MYL4: variants seen among roughly 807,000 people sequenced by gnomAD.
MYL4 encodes the protein myosin light chain 4.
In MYL4, 16 loss-of-function variants were observed where a neutral mutation model predicts 21.6. The ratio of observed to expected loss-of-function variants is 0.74; its 90% confidence interval spans 0.50 to 1.12. The LOEUF is 1.12. Ranked by LOEUF, MYL4 falls within the 50% of genes most tolerant of loss-of-function variation. The pLI is 0.00. For synonymous variants in MYL4, 82 were observed against 95.7 expected (o/e 0.86, Z 0.83); for missense variants, 249 against 252.9 (o/e 0.98, Z 0.11).
In MYL4 at chr17:47,221,746, C is replaced by T; in HGVS notation, c.378C>T (p.Asn126=). The T allele has an allele frequency of 6.2e-7, 1 of 1,614,162 alleles. No individual in the cohort carries two copies. The highest frequency in any genetic ancestry group is 8.5e-7 in the Non-Finnish European group (1 of 1,180,010). The change falls in exon 4 of 7, where the codon AAC becomes AAT. Residue 126 remains asparagine, a synonymous_variant. Coordinates refer to ENST00000393450, the MANE Select transcript of MYL4 (RefSeq NM_002476.2). ...CCATCCTGCAGCACATTTCCCGCAACAAGGAGCAGGGCACCTATGAGGACT... is the reference window on the plus strand; with the variant it reads ...CCATCCTGCAGCACATTTCCCGCAATAAGGAGCAGGGCACCTATGAGGACT... ...FLPILQHISR[N]KEQGTYEDFV...
chr17:47,203,891 T>C (rs17668126), intron 1 of MYL4, among the ~76,000 whole-genome samples: 1 of 152,102 alleles, frequency 6.6e-6, no homozygotes, highest in African/African-American at 2.4e-5. Flanking sequence ...TAACTCTCCA[T>C]GTCAGGGCTT....
At chr17:47,198,654 G>T (rs73319530), upstream of MYL4, among the ~76,000 whole-genome samples, 2,468 of 152,220 alleles carry the variant, frequency 0.016, 56 homozygotes, top group African/African-American at 0.056. Context: ...GACTGAGTTG[G>T]GAGAGCCTCA....
the MYL4 span, chr17:47,189,441 T>G: frequency 1.8e-6 from 1 of 554,314 alleles, no homozygotes; most frequent in Non-Finnish European, 3.3e-6. Flanking sequence ...TTGTCGAAGA[T>G]TACCGGAAGC....
upstream of MYL4, among the ~76,000 whole-genome samples, chr17:47,206,870 G>A (rs572019215): frequency 3.9e-4 from 60 of 152,260 alleles, 1 homozygote; most frequent in South Asian, 0.011. Context: ...CACAAACTCC[G>A]CAGGATGCAG....
chr17:47,224,983 A>G (rs1484315395), downstream of MYL4, among the ~76,000 whole-genome samples: 1 of 152,192 alleles, frequency 6.6e-6, no homozygotes, highest in Non-Finnish European at 1.5e-5. Context: ...ACACACATGT[A>G]TATGAGTAGA....
At chr17:47,222,569 G>C (rs1484593924) in intron 5 of MYL4, 112 bp downstream of exon 5, 2 of 878,822 alleles carry the variant, frequency 2.3e-6, no homozygotes, top group Non-Finnish European at 3.6e-6. Context: ...GGTTTTTGTA[G>C]ACCCCCCATT....
At chr17:47,192,753 G>A in the MYL4 span, among the ~76,000 whole-genome samples, 1 of 152,012 alleles carries the variant, frequency 6.6e-6, no homozygotes, top group African/African-American at 2.4e-5. Context: ...GAAGTACTTT[G>A]ATGGGGTATT....
rs1437942671 is a variant in MYL4 at position 47,221,854 on chromosome 17, G to T, written c.486G>T (p.Leu162=). The change falls in exon 4 of 7, where the codon CTG becomes CTT. Residue 162 remains leucine (L), a splice_region_variant and synonymous_variant. Transcript: ENST00000393450. The part of the protein sequence containing the change: ...GAELRHVLAT[L]GEKMTEAEVE... ...AGCTTCGGCACGTCCTTGCCACCCT[G>T]GGTATGCCAGCTGGGCAGAGATGAA... is the stretch of plus-strand genomic sequence containing the variant. 1 of 1,612,278 alleles carries T rather than the reference G, an allele frequency of 6.2e-7. No individual in the cohort carries two copies. Among genetic ancestry groups the T allele is most frequent in the Non-Finnish European group, 8.5e-7 (1 of 1,178,824 alleles).
At chr17:47,215,971 G>A (rs542156365) in intron 2 of MYL4, among the ~76,000 whole-genome samples, 12 of 152,076 alleles carry the variant, frequency 7.9e-5, no homozygotes, top group African/African-American at 2.9e-4. Flanking sequence ...AGAGATGGGG[G>A]TCTCGCTATT....
intron 1 of MYL4, among the ~76,000 whole-genome samples, chr17:47,203,001 G>C (rs1470701619): frequency 6.6e-6 from 1 of 152,080 alleles, no homozygotes; most frequent in Non-Finnish European, 1.5e-5. Context: ...GCCCAGGCTG[G>C]AGTGCAGTGG....
rs2071439 is a variant in MYL4 at position 47,223,010 on chromosome 17, C to T, written c.566-4C>T. ...ATGGTGGCTGATTTTCACTTTTTTC[C>T]TAGCCTTTGTCAAGCACATCATGTC... On this transcript the variant is annotated splice_polypyrimidine_tract_variant and splice_region_variant and intron_variant, in intron 5 of 6. Transcript: ENST00000393450. 1.3e-3 allele frequency: 2,036 copies of T among 1,614,100 alleles called. 87 individuals carry two copies. In the East Asian group the frequency reaches 0.045, roughly 36 times the overall value.
downstream of MYL4, among the ~76,000 whole-genome samples, chr17:47,226,795 C>A (rs2064887363): frequency 6.6e-6 from 1 of 152,214 alleles, no homozygotes. Flanking sequence ...GTCTAAGATG[C>A]TGCTCCGGCT....
At chr17:47,225,440 T>C (rs1344655865), downstream of MYL4, among the ~76,000 whole-genome samples, 1 of 152,194 alleles carries the variant, frequency 6.6e-6, no homozygotes, top group East Asian at 1.9e-4. Flanking sequence ...AGTCAGTGCA[T>C]GAAACTGAAG....
intron 2 of MYL4, among the ~76,000 whole-genome samples, chr17:47,215,604 G>A (rs6504778): frequency 0.016 from 2,360 of 152,144 alleles, 52 homozygotes; most frequent in African/African-American, 0.054. Context: ...ATGAGACTTC[G>A]GACAAGTCAC....
chr17:47,196,616 C>G (rs1167996762), upstream of MYL4, among the ~76,000 whole-genome samples: 2 of 152,134 alleles, frequency 1.3e-5, no homozygotes, highest in Non-Finnish European at 2.9e-5. Context: ...TACTCTTTGA[C>G]CAGTGAAATT....
upstream of MYL4, among the ~76,000 whole-genome samples, chr17:47,207,034 C>T (rs563819150): frequency 9.2e-5 from 14 of 151,904 alleles, no homozygotes; most frequent in South Asian, 2.5e-3. Flanking sequence ...AGAGTGCGAG[C>T]GAAGGTACAA....
intron 1 of MYL4, among the ~76,000 whole-genome samples, chr17:47,201,283 G>A (rs2064708371): frequency 1.3e-5 from 2 of 151,952 alleles, no homozygotes; most frequent in South Asian, 4.2e-4. Context: ...TGGTGTTCTG[G>A]GCCTTATGAA....
At chr17:47,199,318 C>A (rs1488605522), upstream of MYL4, among the ~76,000 whole-genome samples, 16 of 23,378 alleles carry the variant, frequency 6.8e-4, no homozygotes, top group Middle Eastern at 0.018. Context: ...AAAAAAAAAC[C>A]CCAGAAAAAC....
the MYL4 span, among the ~76,000 whole-genome samples, chr17:47,194,764 A>T: frequency 6.8e-6 from 1 of 146,896 alleles, no homozygotes; most frequent in African/African-American, 2.5e-5. Flanking sequence ...ATTACATAGA[A>T]TTTTTTTTTT....
Sources: allele counts gnomAD v4.1 joint callset (sites outside exome capture counted in the v4.1 genomes callset), GRCh38; gene constraint gnomAD v4.1.1; transcripts MANE v1.5; gene names NCBI Gene and HGNC (gene_info 2026-07-23, HGNC 2026-07-21).